Variants in PNKD observed in about 807,000 individuals in gnomAD.
PNKD encodes PNKD metallo-beta-lactamase domain containing.
PNKD carries 36 observed loss-of-function variants against 45.3 expected under a neutral mutation model. The observed-to-expected ratio is 0.80, with a 90% confidence interval of 0.61 to 1.05. The LOEUF (loss-of-function observed/expected upper bound fraction) is 1.05. PNKD is among the 50% of genes least tolerant of loss of function. The pLI is 0.00. For synonymous variants in PNKD, 197 were observed against 210.1 expected, an observed-to-expected ratio of 0.94 and a Z score of 0.54; for missense variants, 511 against 506.6, an observed-to-expected ratio of 1.01 and a Z score of -0.08.
intron 2 of PNKD, chr2:218,278,075 T>A: frequency 7.2e-7 from 1 of 1,384,588 alleles, no homozygotes; most frequent in Non-Finnish European, 1.0e-6. Flanking sequence ...CCTGGAGGAT[T>A]AAGCCTTGAC....
At chr2:218,341,652 T>G (rs1393738290) in intron 6 of PNKD, 26 bp downstream of exon 6, 4 of 1,478,950 alleles carry the variant, frequency 2.7e-6, no homozygotes, top group Non-Finnish European at 3.7e-6. Context: ...AGGCAAGGGA[T>G]GGCCCTTCCA....
At chr2:218,278,096 G>A in intron 2 of PNKD, 1 of 1,180,928 alleles carries the variant, frequency 8.5e-7, no homozygotes, top group Non-Finnish European at 1.2e-6. Context: ...TCCAAGGAGG[G>A]AGGTTGGCAT....
intron 2 of PNKD, chr2:218,277,005 T>C: frequency 6.2e-7 from 1 of 1,613,358 alleles, no homozygotes; most frequent in Non-Finnish European, 8.5e-7. Flanking sequence ...GACACTCACG[T>C]ATTGGAAGTA....
chr2:218,345,074 C>T lies in PNKD; in HGVS notation c.*93C>T. 2 of 937,540 alleles carry T rather than the reference C, an allele frequency of 2.1e-6. No individual in the cohort carries two copies. The highest frequency in any genetic ancestry group is 5.1e-5 in the East Asian group (2 of 38,970). 58.1% of individuals were successfully genotyped at this position (937,540 alleles called of 1,614,324 possible). On this transcript the variant is annotated 3_prime_UTR_variant, in exon 10 of 10. Coordinates refer to ENST00000273077, the MANE Select transcript of PNKD (RefSeq NM_015488.5). ...TCCTTCTCATCGCTAACACCACCAC[C>T]TCCATCGGCACCCAAGCGGGCATCA...
intron 2 of PNKD, chr2:218,277,278 C>A: frequency 7.7e-7 from 1 of 1,304,034 alleles, no homozygotes; most frequent in Non-Finnish European, 1.1e-6. Flanking sequence ...GGGATCAGGT[C>A]TCTAGGGAAC....
Position 218,323,465 on chromosome 2 carries a change from G to T in PNKD, c.237-16318G>T. 6.6e-7 allele frequency: 1 copy of T among 1,511,862 alleles called. No individual in the cohort carries two copies. Among genetic ancestry groups the T allele is most frequent in the East Asian group, 2.6e-5 (1 of 38,164 alleles). The allele number at this position is 1,511,862 out of a possible 1,614,324, so 93.7% of individuals were successfully genotyped here. ...CCGGGCTCCGAAGCGTGCGGGCTCGGGAGGCGGGCGCGCTGGGAGAGGGGA... is the reference window on the plus strand; with the variant it reads ...CCGGGCTCCGAAGCGTGCGGGCTCGTGAGGCGGGCGCGCTGGGAGAGGGGA... On this transcript the variant is annotated intron_variant, in intron 2 of 9. Coordinates refer to ENST00000273077, the MANE Select transcript of PNKD (RefSeq NM_015488.5).
intron 8 of PNKD, among the ~76,000 whole-genome samples, chr2:218,344,030 G>A (rs1186473819): frequency 6.6e-6 from 1 of 151,884 alleles, no homozygotes; most frequent in Non-Finnish European, 1.5e-5. Context: ...CATTCATCAA[G>A]TACTTTATGT....
At chr2:218,323,747 G>A (rs1320672699) in intron 2 of PNKD, among the ~76,000 whole-genome samples, 1 of 151,650 alleles carries the variant, frequency 6.6e-6, no homozygotes, top group Non-Finnish European at 1.5e-5. Flanking sequence ...AGCTGGACAG[G>A]GGGATAGTGC....
intron 2 of PNKD, among the ~76,000 whole-genome samples, chr2:218,309,280 G>A (rs1331053168): frequency 4.0e-5 from 6 of 151,564 alleles, no homozygotes; most frequent in Admixed American, 6.6e-5. Context: ...TTAGCCGGGC[G>A]TGGTGGTGCA....
intron 2 of PNKD, among the ~76,000 whole-genome samples, chr2:218,315,290 C>T (rs924277749): frequency 5.3e-5 from 8 of 151,538 alleles, no homozygotes; most frequent in African/African-American, 1.9e-4. Context: ...TACAGGCACG[C>T]GCCACCACGC....
chr2:218,311,533 G>T (rs573550394), intron 2 of PNKD, among the ~76,000 whole-genome samples: 47 of 152,296 alleles, frequency 3.1e-4, no homozygotes, highest in African/African-American at 1.1e-3. Flanking sequence ...TTCAAGGAAA[G>T]GTACTGTGCC....
intron 2 of PNKD, among the ~76,000 whole-genome samples, chr2:218,287,047 C>T (rs1307898833): frequency 2.0e-5 from 3 of 152,060 alleles, no homozygotes; most frequent in Non-Finnish European, 4.4e-5. Context: ...AAAGATACAC[C>T]CAGGAGTGTC....
chr2:218,316,809 G>T (rs571580170), intron 2 of PNKD: 1 of 152,174 alleles, frequency 6.6e-6, no homozygotes, highest in Non-Finnish European at 1.5e-5. Flanking sequence ...CTGAACCATC[G>T]CAGCCCTGAG....
intron 2 of PNKD, among the ~76,000 whole-genome samples, chr2:218,309,723 G>C (rs531242365): frequency 1.3e-5 from 2 of 151,956 alleles, no homozygotes; most frequent in East Asian, 3.9e-4. Flanking sequence ...TTTGACGTCA[G>C]GAGTTTGAGA....
intron 2 of PNKD, among the ~76,000 whole-genome samples, chr2:218,337,930 C>T (rs965120785): frequency 2.6e-5 from 4 of 151,874 alleles, no homozygotes; most frequent in African/African-American, 7.3e-5. Context: ...GGGCAAATCA[C>T]GAGGTCAAGA....
intron 2 of PNKD, among the ~76,000 whole-genome samples, chr2:218,336,041 C>A (rs1694479764): frequency 6.6e-6 from 1 of 151,652 alleles, no homozygotes. Context: ...ATGGTGAAAC[C>A]CTGTCTCTAC....
rs375439646 is a variant in PNKD, at chr2:218,300,891, C to G, written c.236+29342C>G. Among the ~76,000 whole-genome samples the G allele has an allele frequency of 1.0e-3, 155 of 152,282 alleles. No individual in the cohort carries two copies. The Middle Eastern group carries it at 0.02, about 20-fold the overall frequency. On this transcript the variant is annotated intron_variant, in intron 2 of 9. Coordinates refer to ENST00000273077, the MANE Select transcript of PNKD (RefSeq NM_015488.5). ...TTTTTAAATACTAAGTCTTCAAAATCTGGTATGTATTTGACACAGCATATC... is the reference window on the plus strand; with the variant it reads ...TTTTTAAATACTAAGTCTTCAAAATGTGGTATGTATTTGACACAGCATATC...
At chr2:218,289,494 T>A (rs928688013) in intron 2 of PNKD, among the ~76,000 whole-genome samples, 4 of 151,768 alleles carry the variant, frequency 2.6e-5, no homozygotes, top group South Asian at 4.2e-4. Flanking sequence ...ATACAAAAAT[T>A]AGCCGGGCAT....
chr2:218,343,138 G>T (rs530159373), intron 7 of PNKD, among the ~76,000 whole-genome samples: 1 of 152,336 alleles, frequency 6.6e-6, no homozygotes, highest in East Asian at 1.9e-4. Context: ...GGGTGGGTGA[G>T]GATCACAAGT....
Sources: gnomAD v4.1 joint callset for allele counts (sites outside exome capture counted in the v4.1 genomes callset) on GRCh38, gnomAD v4.1.1 for gene constraint, MANE v1.5 for transcripts, NCBI Gene and HGNC (gene_info 2026-07-23, HGNC 2026-07-21) for gene names.